The following DNAH11 variants were observed in gnomAD, a reference collection of about 807,000 sequenced individuals.
DNAH11 encodes dynein axonemal heavy chain 11, also known as axonemal beta dynein heavy chain 11.
A neutral mutation model predicts 526.0 loss-of-function variants in DNAH11; 442 were observed. That is an observed-to-expected ratio of 0.84 (90% CI 0.78 to 0.91). The LOEUF (loss-of-function observed/expected upper bound fraction) is 0.91, where lower values mean the gene tolerates loss of function less well. DNAH11 is among the 40% of genes least tolerant of loss of function. The pLI, the probability that DNAH11 is intolerant of heterozygous loss-of-function variation, is 0.00. For missense variants in DNAH11, 6,989 were observed against 5,448.7 expected (o/e 1.28, Z -8.90); for synonymous variants, 2,461 against 1,935.9 (o/e 1.27, Z -7.12).
Position 21,725,937 on chromosome 7 carries a change from G to C in DNAH11, c.7393G>C (p.Ala2465Pro). 1 of 1,564,116 alleles carries C rather than the reference G, an allele frequency of 6.4e-7. No individual in the cohort carries two copies. The highest frequency in any genetic ancestry group is 8.7e-7 in the Non-Finnish European group (1 of 1,153,228). ...CAAAACTAAGAAATTATTGCCCTGG[G>C]CTGACAAAATTGCCCAGTTTACTAT... is the stretch of plus-strand genomic sequence containing the variant. ...DHKTKKLLPW[A>P]DKIAQFTMDP... Residue 2465 changes from alanine to proline, a missense_variant, in exon 45 of 82, where the codon GCT becomes CCT. Transcript: ENST00000409508.
intron 63 of DNAH11, among the ~76,000 whole-genome samples, chr7:21,812,156 G>T (rs11975843): frequency 6.6e-5 from 10 of 151,982 alleles, no homozygotes; most frequent in African/African-American, 2.4e-4. Flanking sequence ...GGGCACTGAG[G>T]TTGTCAAGGA....
intron 2 of DNAH11, among the ~76,000 whole-genome samples, chr7:21,547,277 A>G (rs1193656274): frequency 6.6e-6 from 1 of 152,208 alleles, no homozygotes; most frequent in Non-Finnish European, 1.5e-5. Context: ...CATGACACAG[A>G]CATTAAGTTT....
At chr7:21,784,972 C>T (rs1163713345) in intron 58 of DNAH11, among the ~76,000 whole-genome samples, 1 of 152,140 alleles carries the variant, frequency 6.6e-6, no homozygotes, top group Non-Finnish European at 1.5e-5. Flanking sequence ...GCAAAGATAC[C>T]TAGGTTTGGT....
At chr7:21,720,951 TGTTA>T in intron 44 of DNAH11, 95 bp downstream of exon 44, 1 of 1,454,692 alleles carries the variant, frequency 6.9e-7, no homozygotes. Flanking sequence ...CTTTTTGTTA[TGTTA>T]TAGATCTATA....
chr7:21,602,347 A>G (rs1175611815), intron 18 of DNAH11, among the ~76,000 whole-genome samples: 4 of 152,080 alleles, frequency 2.6e-5, no homozygotes, highest in African/African-American at 9.7e-5. Flanking sequence ...CAAAATAATA[A>G]TAATACTAAT....
intron 65 of DNAH11, among the ~76,000 whole-genome samples, chr7:21,834,531 C>G (rs1781917266): frequency 6.6e-6 from 1 of 152,014 alleles, no homozygotes; most frequent in Non-Finnish European, 1.5e-5. Flanking sequence ...TACAAAAGAT[C>G]AACAAGACAG....
chr7:21,734,270 A>G (rs1159359041), intron 45 of DNAH11, among the ~76,000 whole-genome samples: 1 of 152,230 alleles, frequency 6.6e-6, no homozygotes, highest in African/African-American at 2.4e-5. Context: ...TTATGACATT[A>G]TACATGTAAA....
chr7:21,610,219 A>T (rs1194653817), intron 20 of DNAH11, among the ~76,000 whole-genome samples: 1 of 152,138 alleles, frequency 6.6e-6, no homozygotes, highest in Non-Finnish European at 1.5e-5. Flanking sequence ...GCGCCACTTC[A>T]CTCCAGCCTG....
chr7:21,588,599 C>A lies in DNAH11; in HGVS notation c.1936C>A (p.Gln646Lys). Reference protein sequence around the residue: ...KWAQQVLQRLQMFWSNFASLR... With the variant: ...KWAQQVLQRLKMFWSNFASLR... The stretch of plus-strand genomic sequence containing the variant: ...GGCCCAGCAGGTTCTCCAACGACTT[C>A]AAATGTTTTGGTCAAACTTCGCATC... Residue 646 changes from glutamine to lysine, a missense_variant, in exon 11 of 82, where the codon CAA becomes AAA. Physicochemically the swap from Gln to Lys is moderately conservative, Grantham distance 53. Transcript: ENST00000409508. 6.2e-7 allele frequency: 1 copy of A among 1,613,686 alleles called. No individual in the cohort carries two copies. The highest frequency in any genetic ancestry group is 8.5e-7 in the Non-Finnish European group (1 of 1,179,650).
At chr7:21,780,807 A>T (rs1456508106) in intron 57 of DNAH11, among the ~76,000 whole-genome samples, 1 of 152,178 alleles carries the variant, frequency 6.6e-6, no homozygotes, top group Admixed American at 6.5e-5. Flanking sequence ...ACAAATATTA[A>T]CATCTATTTT....
chr7:21,726,984 A>T (rs1369441668), intron 45 of DNAH11, among the ~76,000 whole-genome samples: 1 of 91,884 alleles, frequency 1.1e-5, no homozygotes, highest in Non-Finnish European at 1.9e-5. Context: ...CCCAGGCTGG[A>T]GTGCAGTGGC....
chr7:21,557,650 C>A (rs1783273187), intron 2 of DNAH11, among the ~76,000 whole-genome samples: 1 of 152,180 alleles, frequency 6.6e-6, no homozygotes, highest in Admixed American at 6.5e-5. Flanking sequence ...TATGAATTTT[C>A]AGAGGACACA....
chr7:21,668,839 G>A (rs1342108430), intron 30 of DNAH11, among the ~76,000 whole-genome samples: 1 of 152,058 alleles, frequency 6.6e-6, no homozygotes, highest in African/African-American at 2.4e-5. Flanking sequence ...CATTTCTCCT[G>A]GGTAGAAGCC....
chr7:21,836,318 G>A (rs993412723), intron 65 of DNAH11, among the ~76,000 whole-genome samples: 2 of 151,898 alleles, frequency 1.3e-5, no homozygotes, highest in Non-Finnish European at 2.9e-5. Flanking sequence ...AAAAAACAAA[G>A]CTAGAGGCAT....
At chr7:21,624,028 A>C (rs1395836235) in intron 25 of DNAH11, among the ~76,000 whole-genome samples, 1 of 151,814 alleles carries the variant, frequency 6.6e-6, no homozygotes. Flanking sequence ...TAATATCACT[A>C]ACTCACTAAT....
intron 44 of DNAH11, among the ~76,000 whole-genome samples, chr7:21,723,712 T>C (rs1784968155): frequency 6.6e-6 from 1 of 152,016 alleles, no homozygotes; most frequent in Non-Finnish European, 1.5e-5. Flanking sequence ...CCCTATTTCT[T>C]CCTCTGCCAC....
intron 66 of DNAH11, among the ~76,000 whole-genome samples, chr7:21,843,775 G>T (rs982307757): frequency 6.6e-6 from 1 of 152,024 alleles, no homozygotes; most frequent in African/African-American, 2.4e-5. Context: ...CACCACGCCC[G>T]GCCATGCTGT....
chr7:21,571,788 A>C lies in DNAH11; in HGVS notation c.1426-18A>C. 6.3e-7 allele frequency: 1 copy of C among 1,596,568 alleles called. No homozygotes were observed. Among genetic ancestry groups the C allele is most frequent in the South Asian group, 1.1e-5 (1 of 87,130 alleles). On this transcript the variant is annotated intron_variant, in intron 7 of 81. Coordinates refer to ENST00000409508, the MANE Select transcript of DNAH11 (RefSeq NM_001277115.2). Reference sequence around the variant, plus strand: ...TGCTCAATGTAGTGGAAAGGTCTTTACTGTGTTTTTTACAAAGGATATATT... The same window carrying C: ...TGCTCAATGTAGTGGAAAGGTCTTTCCTGTGTTTTTTACAAAGGATATATT...
At chr7:21,576,058 C>T (rs1784083837) in intron 8 of DNAH11, among the ~76,000 whole-genome samples, 1 of 152,298 alleles carries the variant, frequency 6.6e-6, no homozygotes, top group Non-Finnish European at 1.5e-5. Context: ...AAAACACTGG[C>T]CGTTATACAG....
Sources: gnomAD v4.1 joint callset for allele counts (sites outside exome capture counted in the v4.1 genomes callset) on GRCh38, gnomAD v4.1.1 for gene constraint, MANE v1.5 for transcripts, NCBI Gene and HGNC (gene_info 2026-07-23, HGNC 2026-07-21) for gene names.